TAFA5: variants seen among roughly 807,000 people sequenced by gnomAD.
TAFA5 encodes the protein chemokine-like protein TAFA-5.
In TAFA5, 6 loss-of-function variants were observed where a neutral mutation model predicts 15.3. The observed-to-expected ratio is 0.39, with a 90% confidence interval of 0.21 to 0.77. The LOEUF is 0.77. TAFA5 is among the 30% of genes least tolerant of loss of function. The pLI is 0.41. For missense variants in TAFA5, 161 were observed against 193.1 expected (o/e 0.83, Z 0.98); for synonymous variants, 103 against 80.7 (o/e 1.28, Z -1.48).
intron 1 of TAFA5, among the ~76,000 whole-genome samples, chr22:48,541,416 G>T (rs1922368374): frequency 6.6e-6 from 1 of 152,150 alleles, no homozygotes; most frequent in Non-Finnish European, 1.5e-5. Flanking sequence ...CATGCTTTCT[G>T]GAGGGCCCGT....
In TAFA5 at chr22:48,617,376, C is replaced by T. The variant is rs893260597; in HGVS notation, c.113-29221C>T. ...AGACCTTAGAAGAAATCAGTGACAC[C>T]TTGACTTTAGCCAGTGAAGCTGGGC... is the stretch of plus-strand genomic sequence containing the variant. On this transcript the variant is annotated intron_variant, in intron 1 of 3. Transcript: ENST00000402357. Among the ~76,000 whole-genome samples the T allele has an allele frequency of 2.6e-5, 4 of 152,184 alleles. No homozygotes were observed. In the South Asian group the frequency reaches 8.3e-4, roughly 32 times the overall value.
rs528423071 is a variant in TAFA5 at position 48,742,265 on chromosome 22, C to T, written c.391-7574C>T. 2.6e-4 allele frequency among the ~76,000 whole-genome samples: 40 copies of T among 152,230 alleles called. No individual in the cohort carries two copies. The highest frequency in any genetic ancestry group is 1.4e-3 in the Admixed American group (21 of 15,300). ...CAGGCCCCTCATCCTTCACCAGGCA[C>T]AGGTGCACGGGGCCCCTGCCAGGTT... On this transcript the variant is annotated intron_variant, in intron 3 of 3. Transcript: ENST00000402357. The surrounding 1 kb of genome is among the most constrained non-coding windows in gnomAD (Gnocchi z 6.2).
chr22:48,642,529 C>T (rs551888383), intron 1 of TAFA5, among the ~76,000 whole-genome samples: 5 of 152,278 alleles, frequency 3.3e-5, no homozygotes, highest in African/African-American at 1.2e-4. Flanking sequence ...ACCCAGCACT[C>T]GGAGCCGGAC....
At chr22:48,505,730 G>A (rs1404090028) in intron 1 of TAFA5, among the ~76,000 whole-genome samples, 1 of 152,176 alleles carries the variant, frequency 6.6e-6, no homozygotes, top group Non-Finnish European at 1.5e-5. Flanking sequence ...CCATCCTGGT[G>A]GGCCAGCATC....
intron 1 of TAFA5, among the ~76,000 whole-genome samples, chr22:48,641,816 T>G (rs576742864): frequency 6.6e-6 from 1 of 152,230 alleles, no homozygotes; most frequent in Non-Finnish European, 1.5e-5. Context: ...CGGCCTGGGC[T>G]TTGTGGGAGT....
At chr22:48,509,172 A>AGT (rs1601840317) in intron 1 of TAFA5, among the ~76,000 whole-genome samples, 1 of 152,246 alleles carries the variant, frequency 6.6e-6, no homozygotes, top group South Asian at 2.1e-4. Flanking sequence ...ATACTACTCC[A>AGT]GTGTGTGTGT....
intron 1 of TAFA5, among the ~76,000 whole-genome samples, chr22:48,636,960 C>T (rs1193787753): frequency 2.6e-5 from 4 of 152,204 alleles, no homozygotes; most frequent in African/African-American, 9.6e-5. Context: ...CCTCCTGGCC[C>T]CTGCCCCAAG....
intron 3 of TAFA5, among the ~76,000 whole-genome samples, chr22:48,743,979 C>A (rs189001639): frequency 6.6e-6 from 1 of 152,302 alleles, no homozygotes; most frequent in African/African-American, 2.4e-5. Flanking sequence ...GGGGATTTTA[C>A]TTGTTAATTT....
At chr22:48,696,554 G>T (rs1316202674) in intron 2 of TAFA5, among the ~76,000 whole-genome samples, 2 of 152,198 alleles carry the variant, frequency 1.3e-5, no homozygotes, top group African/African-American at 4.8e-5. Context: ...TGAATGGGTG[G>T]CAGCCACCTG....
intron 1 of TAFA5, among the ~76,000 whole-genome samples, chr22:48,499,727 C>T (rs532231280): frequency 6.6e-6 from 1 of 152,226 alleles, no homozygotes; most frequent in Non-Finnish European, 1.5e-5. Flanking sequence ...TCTGCCACCC[C>T]CAACCTTTGT....
intron 3 of TAFA5, among the ~76,000 whole-genome samples, chr22:48,735,302 G>T (rs1016215282): frequency 5.3e-5 from 8 of 152,202 alleles, no homozygotes; most frequent in African/African-American, 1.9e-4. Context: ...CATGCATGAC[G>T]CTAGGAGACA....
intron 1 of TAFA5, among the ~76,000 whole-genome samples, chr22:48,562,202 A>G (rs1286464164): frequency 6.6e-6 from 1 of 151,896 alleles, no homozygotes; most frequent in East Asian, 1.9e-4. Context: ...CAGTGGCGCC[A>G]TCTCAGCTCA....
chr22:48,696,123 C>T (rs935431561), intron 2 of TAFA5, among the ~76,000 whole-genome samples: 4 of 152,144 alleles, frequency 2.6e-5, no homozygotes, highest in African/African-American at 7.2e-5. Flanking sequence ...GTTCGATGGG[C>T]GGGTGCCATG....
chr22:48,699,751 G>C (rs1400001957), intron 2 of TAFA5, among the ~76,000 whole-genome samples: 2 of 152,096 alleles, frequency 1.3e-5, no homozygotes, highest in Admixed American at 6.5e-5. Flanking sequence ...GCTTTAAACG[G>C]GAATAATCCA....
At chr22:48,616,952 C>T (rs1315045522) in intron 1 of TAFA5, among the ~76,000 whole-genome samples, 1 of 152,110 alleles carries the variant, frequency 6.6e-6, no homozygotes, top group Non-Finnish European at 1.5e-5. Flanking sequence ...TGGATCTGGG[C>T]TTCATCCATG....
chr22:48,578,403 CTG>C (rs1923899212), intron 1 of TAFA5, among the ~76,000 whole-genome samples: 1 of 152,190 alleles, frequency 6.6e-6, no homozygotes, highest in Non-Finnish European at 1.5e-5. Context: ...CTAAAGGACT[CTG>C]TTTTTTGGCC....
At chr22:48,613,938 C>T (rs1204023244) in intron 1 of TAFA5, among the ~76,000 whole-genome samples, 1 of 152,188 alleles carries the variant, frequency 6.6e-6, no homozygotes, top group Non-Finnish European at 1.5e-5. Context: ...TGGCCCTCAG[C>T]CCGCTTCCCA....
Position 48,551,702 on chromosome 22 carries a change from T to C in TAFA5, c.112+61998T>C, listed in dbSNP as rs140803389. On this transcript the variant is annotated intron_variant, in intron 1 of 3. Transcript: ENST00000402357. ...CCACCCTTCTCGTGGTCTGCAGCAG[T>C]GATGGAAGCAGGTGCAGGAGGGGAG... Among the ~76,000 whole-genome samples, 41 of 152,130 alleles carry C rather than the reference T, an allele frequency of 2.7e-4. No individual in the cohort carries two copies. The East Asian group carries it at 7.5e-3, about 28-fold the overall frequency.
At chr22:48,678,877 C>A (rs575337268) in intron 2 of TAFA5, among the ~76,000 whole-genome samples, 8 of 87,364 alleles carry the variant, frequency 9.2e-5, no homozygotes, top group African/African-American at 3.1e-4. Context: ...GCCAGGGCAC[C>A]GTCCCGGCTC....
Sources: allele counts gnomAD v4.1 joint callset (sites outside exome capture counted in the v4.1 genomes callset), GRCh38; gene constraint gnomAD v4.1.1; non-coding constraint Gnocchi (gnomAD v3.1); transcripts MANE v1.5; gene names NCBI Gene and HGNC (gene_info 2026-07-23, HGNC 2026-07-21).